KLRG2: variants seen among roughly 807,000 people sequenced by gnomAD.
KLRG2 encodes the protein killer cell lectin-like receptor subfamily G member 2.
A neutral mutation model predicts 35.4 loss-of-function variants in KLRG2; 39 were observed. The observed-to-expected ratio is 1.10, with a 90% CI of 0.85 to 1.44. KLRG2 has a LOEUF of 1.44. Ranked by LOEUF, KLRG2 falls within the 40% of genes most tolerant of loss-of-function variation. The probability of loss-of-function intolerance (pLI) is 0.00; values close to 1 mark genes in which losing one functional copy is unlikely to be tolerated. For synonymous variants in KLRG2, 283 were observed against 265.8 expected (o/e 1.06, Z -0.63); for missense variants, 632 against 570.9 (o/e 1.11, Z -1.09).
chr7:139,447,515 C>T, the KLRG2 span, among the ~76,000 whole-genome samples: 1 of 151,912 alleles, frequency 6.6e-6, no homozygotes, highest in African/African-American at 2.4e-5. Context: ...ATTCTCGTGC[C>T]TCAGCCTCCC....
downstream of KLRG2, among the ~76,000 whole-genome samples, chr7:139,451,965 C>CT (rs1796383230): frequency 7.4e-6 from 1 of 136,016 alleles, no homozygotes; most frequent in African/African-American, 3.1e-5. Context: ...ATTTCCATGT[C>CT]CTTTTTTTTT....
At chr7:139,428,488 A>AG in the KLRG2 span, among the ~76,000 whole-genome samples, 1 of 152,078 alleles carries the variant, frequency 6.6e-6, no homozygotes, top group East Asian at 1.9e-4. Flanking sequence ...CAAACCCCTG[A>AG]GCTCAAGTGA....
intron 3 of KLRG2, among the ~76,000 whole-genome samples, chr7:139,474,428 A>G (rs1796813550): frequency 6.6e-6 from 1 of 152,186 alleles, no homozygotes; most frequent in South Asian, 2.1e-4. Flanking sequence ...ATGTGATATT[A>G]TGATATCTAT....
chr7:139,453,978 C>G, intron 4 of KLRG2, 133 bp downstream of exon 4: 2 of 700,636 alleles, frequency 2.9e-6, no homozygotes, highest in South Asian at 1.8e-5. Context: ...AATCAGGCAC[C>G]AGGCCGCGAG....
the KLRG2 span, among the ~76,000 whole-genome samples, chr7:139,445,781 GTATATATATATGTGTGTA>G: frequency 6.1e-5 from 6 of 98,488 alleles, 1 homozygote; most frequent in African/African-American, 4.6e-4. Context: ...ATATATATAT[GTATATATATATGTGTGTA>G]TATATATATG....
chr7:139,436,646 C>T, the KLRG2 span, among the ~76,000 whole-genome samples: 1 of 152,190 alleles, frequency 6.6e-6, no homozygotes, highest in Admixed American at 6.5e-5. Flanking sequence ...CCAGCCAGTC[C>T]CAAGCCCAGT....
the KLRG2 span, among the ~76,000 whole-genome samples, chr7:139,438,075 A>G: frequency 6.6e-6 from 1 of 152,172 alleles, no homozygotes; most frequent in Non-Finnish European, 1.5e-5. Flanking sequence ...ATGTCTGCCT[A>G]TCCCAGTAGC....
the KLRG2 span, among the ~76,000 whole-genome samples, chr7:139,437,225 A>C: frequency 6.6e-6 from 1 of 151,960 alleles, no homozygotes; most frequent in Non-Finnish European, 1.5e-5. Context: ...TCAGGAGTTC[A>C]AGACCAGCCT....
chr7:139,441,713 G>A, the KLRG2 span, among the ~76,000 whole-genome samples: 1 of 152,026 alleles, frequency 6.6e-6, no homozygotes, highest in Non-Finnish European at 1.5e-5. Flanking sequence ...GTAGAGATTG[G>A]ATTGAGTCAA....
chr7:139,476,182 C>T (rs528909733), intron 3 of KLRG2, among the ~76,000 whole-genome samples: 31 of 152,192 alleles, frequency 2.0e-4, no homozygotes, highest in East Asian at 1.7e-3. Flanking sequence ...GCAGGCGGAT[C>T]GCCTGAGTCC....
Position 139,482,292 on chromosome 7 carries a change from T to C in KLRG2, c.757+594A>G, listed in dbSNP as rs1796973937. Reference sequence around the variant, plus strand: ...TGATCCTGAATGACTTCCCCTCATCTGGAGTTCCTTCCACTGCTACTTCTC... The same window carrying C: ...TGATCCTGAATGACTTCCCCTCATCCGGAGTTCCTTCCACTGCTACTTCTC... On this transcript the variant is annotated intron_variant, in intron 1 of 4. Transcript: ENST00000340940. 2.0e-5 allele frequency among the ~76,000 whole-genome samples: 3 copies of C among 152,256 alleles called. No individual in the cohort carries two copies. The South Asian group carries it at 6.2e-4, about 31-fold the overall frequency.
In KLRG2 at chr7:139,480,193, A is replaced by G. The variant is rs1274281136; in HGVS notation, c.812T>C (p.Leu271Pro). ...AATGACAACCCCAGAGACTGCCAGGAGCACAGCCATGAACGCCAGGGCCCA... is the reference window on the plus strand; with the variant it reads ...AATGACAACCCCAGAGACTGCCAGGGGCACAGCCATGAACGCCAGGGCCCA... ...LYWALAFMAV[L>P]LAVSGVVIVV... The change falls in exon 2 of 5, where the codon CTC (leucine) becomes CCC (proline). Residue 271 changes from leucine (L) to proline (P), a missense_variant. Physicochemically the swap from Leu to Pro is moderately conservative, Grantham distance 98 (BLOSUM62 -3). Coordinates refer to ENST00000340940, the MANE Select transcript of KLRG2 (RefSeq NM_198508.4). 6 of 1,613,792 alleles carry G rather than the reference A, an allele frequency of 3.7e-6. No homozygotes were observed. The highest frequency in any genetic ancestry group is 5.1e-6 in the Non-Finnish European group (6 of 1,179,932).
the KLRG2 span, among the ~76,000 whole-genome samples, chr7:139,444,558 C>T: frequency 6.6e-6 from 1 of 152,312 alleles, no homozygotes; most frequent in East Asian, 1.9e-4. Flanking sequence ...TCCTTCTCTC[C>T]ATGCCACGTG....
the KLRG2 span, among the ~76,000 whole-genome samples, chr7:139,435,264 T>C: frequency 3.3e-5 from 5 of 151,452 alleles, no homozygotes; most frequent in Admixed American, 2.0e-4. Flanking sequence ...CCGAGGGGAG[T>C]GGATCACTTG....
chr7:139,442,161 C>T, the KLRG2 span, among the ~76,000 whole-genome samples: 1 of 152,126 alleles, frequency 6.6e-6, no homozygotes, highest in Admixed American at 6.5e-5. Context: ...TTGCCCAGAC[C>T]CAGGCAGGGA....
chr7:139,467,154 C>A, intron 3 of KLRG2, among the ~76,000 whole-genome samples: 1 of 152,248 alleles, frequency 6.6e-6, no homozygotes, highest in South Asian at 2.1e-4. Context: ...GTTCCCATGT[C>A]GCCCCTAATC....
At chr7:139,434,240 G>T in the KLRG2 span, among the ~76,000 whole-genome samples, 1 of 152,206 alleles carries the variant, frequency 6.6e-6, no homozygotes, top group Non-Finnish European at 1.5e-5. Flanking sequence ...AAATATTTAA[G>T]ATTCCAGCTT....
chr7:139,454,202 T>TG lies in KLRG2; in HGVS notation c.1017dup (p.Arg340GlnfsTer34). The TG allele has an allele frequency of 6.5e-7, 1 of 1,530,664 alleles. No individual in the cohort carries two copies. Among genetic ancestry groups the TG allele is most frequent in the Non-Finnish European group, 8.9e-7 (1 of 1,129,390 alleles). The allele number at this position is 1,530,664 out of a possible 1,614,324, so 94.8% of individuals were successfully genotyped here. On this transcript the variant is annotated frameshift_variant, in exon 4 of 5. Transcript: ENST00000340940. LOFTEE classifies it high-confidence loss of function. ...CAGGAGTGCCTGGAGACTGGGTATC[T>TG]GCCCAGGAAGTCCTGAGGGAGAAAA...
chr7:139,472,734 C>A (rs1477519534), intron 3 of KLRG2, among the ~76,000 whole-genome samples: 1 of 152,156 alleles, frequency 6.6e-6, no homozygotes, highest in Non-Finnish European at 1.5e-5. Flanking sequence ...CCAAGAAATA[C>A]CCCAATTTGA....
Sources: allele counts gnomAD v4.1 joint callset (sites outside exome capture counted in the v4.1 genomes callset), GRCh38; gene constraint gnomAD v4.1.1; transcripts MANE v1.5; gene names NCBI Gene and HGNC (gene_info 2026-07-23, HGNC 2026-07-21).